Variants in DRC4 observed in about 807,000 individuals in gnomAD.
DRC4 encodes dynein regulatory complex subunit 4.
chr16:90,033,346 TG>T, the DRC4 span, among the ~76,000 whole-genome samples: 49 of 152,304 alleles, frequency 3.2e-4, no homozygotes, highest in African/African-American at 1.1e-3. Context: ...CTTTTGAGGC[TG>T]GGGGTTTCCA....
chr16:90,042,574 C>G, the DRC4 span: 9 of 1,543,130 alleles, frequency 5.8e-6, no homozygotes, highest in Admixed American at 1.5e-4. Flanking sequence ...GGCACCCCCT[C>G]GGTGCCCAGA....
the DRC4 span, among the ~76,000 whole-genome samples, chr16:90,030,830 C>G: frequency 1.3e-5 from 2 of 152,116 alleles, no homozygotes; most frequent in South Asian, 4.1e-4. Context: ...GTTGCCCAAG[C>G]TGGTCTTCAG....
At chr16:90,027,729 A>G in the DRC4 span, 1 of 1,613,438 alleles carries the variant, frequency 6.2e-7, no homozygotes, top group Non-Finnish European at 8.5e-7. Flanking sequence ...GCAGGTGAGC[A>G]GAGCGGGCTG....
the DRC4 span, chr16:90,036,378 C>G: frequency 6.3e-7 from 1 of 1,596,284 alleles, no homozygotes; most frequent in Non-Finnish European, 8.6e-7. Context: ...TGCTGCCTTT[C>G]AGAAATTGAG....
At chr16:90,021,567 A>T in the DRC4 span, among the ~76,000 whole-genome samples, 5 of 152,154 alleles carry the variant, frequency 3.3e-5, no homozygotes, top group South Asian at 4.2e-4. Context: ...CTTTTTAAGA[A>T]GATGTTAAAG....
At chr16:90,025,126 C>G in the DRC4 span, among the ~76,000 whole-genome samples, 1 of 150,486 alleles carries the variant, frequency 6.6e-6, no homozygotes, top group Non-Finnish European at 1.5e-5. Context: ...AAGCGATTCT[C>G]CTGCCTCGGC....
chr16:90,022,495 G>C, the DRC4 span: 1 of 461,200 alleles, frequency 2.2e-6, no homozygotes, highest in Non-Finnish European at 3.8e-6. Context: ...GCAGCGAAAG[G>C]CTTCTGGGCT....
chr16:90,042,669 C>T, the DRC4 span: 38 of 713,780 alleles, frequency 5.3e-5, 1 homozygote, highest in East Asian at 7.1e-4. Flanking sequence ...ACTGTCCCCA[C>T]GTGAGGGTGC....
At chr16:90,039,081 G>A in the DRC4 span, among the ~76,000 whole-genome samples, 98 of 152,342 alleles carry the variant, frequency 6.4e-4, 1 homozygote, top group African/African-American at 2.3e-3. Context: ...GCATTGCTAG[G>A]CTGTGCCAAC....
At chr16:90,035,083 A>G in the DRC4 span, among the ~76,000 whole-genome samples, 1 of 151,822 alleles carries the variant, frequency 6.6e-6, no homozygotes, top group African/African-American at 2.4e-5. Flanking sequence ...TTGTATTTTT[A>G]GTAGAGACGG....
At chr16:90,042,461 T>A in the DRC4 span, 1 of 1,613,542 alleles carries the variant, frequency 6.2e-7, no homozygotes, top group African/African-American at 1.3e-5. Flanking sequence ...ATCACCTCTC[T>A]CTCCTCAGGA....
the DRC4 span, among the ~76,000 whole-genome samples, chr16:90,028,380 G>A: frequency 6.6e-6 from 1 of 151,080 alleles, no homozygotes; most frequent in East Asian, 1.9e-4. Context: ...AGTAGAGACG[G>A]GGTTTCACCG....
chr16:90,035,694 T>C, the DRC4 span: 2 of 1,614,164 alleles, frequency 1.2e-6, no homozygotes, highest in South Asian at 1.1e-5. Context: ...CGAGGTCAGT[T>C]TCCCGTGTGC....
chr16:90,022,650 C>T, the DRC4 span: 72 of 1,397,388 alleles, frequency 5.2e-5, no homozygotes, highest in Non-Finnish European at 6.6e-5. Context: ...CAGCGGTTGC[C>T]GGGAAACGGC....
At chr16:90,042,492 GCAC>G in the DRC4 span, 1 of 1,613,836 alleles carries the variant, frequency 6.2e-7, no homozygotes, top group Non-Finnish European at 8.5e-7. Context: ...TCGAAGAACA[GCAC>G]CATCAAGGAC....
chr16:90,020,953 A>G, the DRC4 span: 2 of 152,278 alleles, frequency 1.3e-5, no homozygotes, highest in African/African-American at 2.4e-5. Context: ...TGTGCTCTCC[A>G]GCGTCACTGT....
the DRC4 span, among the ~76,000 whole-genome samples, chr16:90,026,826 G>A: frequency 6.6e-5 from 10 of 151,226 alleles, no homozygotes; most frequent in East Asian, 1.9e-4. Flanking sequence ...GGGATGACAC[G>A]TGTGAGCCAC....
At chr16:90,037,810 C>A in the DRC4 span, 1 of 1,614,152 alleles carries the variant, frequency 6.2e-7, no homozygotes, top group South Asian at 1.1e-5. Context: ...GAAAGACCTG[C>A]AGTGGGAGCA....
chr16:90,043,251 C>T, the DRC4 span: 3 of 1,613,564 alleles, frequency 1.9e-6, no homozygotes, highest in Admixed American at 1.7e-5. Context: ...TTCGGGATCC[C>T]TCTGGACAAC....
Sources: gnomAD v4.1 joint callset for allele counts (sites outside exome capture counted in the v4.1 genomes callset) on GRCh38, gnomAD v4.1.1 for gene constraint, MANE v1.5 for transcripts, NCBI Gene and HGNC (gene_info 2026-07-23, HGNC 2026-07-21) for gene names.